WWOX: variants seen among roughly 807,000 people sequenced by gnomAD.
WWOX encodes WW domain-containing oxidoreductase.
A neutral mutation model predicts 46.2 loss-of-function variants in WWOX; 69 were observed. That is an observed-to-expected ratio of 1.49 (90% confidence interval 1.23 to 1.82). The LOEUF (loss-of-function observed/expected upper bound fraction) is 1.82. Ranked by LOEUF, WWOX falls within the 40% of genes most tolerant of loss-of-function variation. WWOX has a pLI of 0.00. For synonymous variants in WWOX, 359 were observed against 202.6 expected (o/e 1.77, Z -6.56); for missense variants, 919 against 542.6 (o/e 1.69, Z -6.89).
At chr16:78,615,149 C>T (rs919642796) in intron 8 of WWOX, among the ~76,000 whole-genome samples, 1 of 152,180 alleles carries the variant, frequency 6.6e-6, no homozygotes, top group South Asian at 2.1e-4. Context: ...TTAAAATACT[C>T]ACATTCCCAT....
chr16:78,344,155 C>T (rs1394996612), intron 5 of WWOX, among the ~76,000 whole-genome samples: 1 of 65,700 alleles, frequency 1.5e-5, no homozygotes, highest in African/African-American at 5.0e-5. Context: ...CCAGACTGAG[C>T]ATCATCCTCG....
intron 8 of WWOX, among the ~76,000 whole-genome samples, chr16:78,928,815 G>C (rs1436620526): frequency 1.3e-5 from 2 of 152,104 alleles, no homozygotes; most frequent in Non-Finnish European, 2.9e-5. Context: ...AAGATAAAAA[G>C]ATATGAACTT....
intron 5 of WWOX, among the ~76,000 whole-genome samples, chr16:78,284,946 C>T (rs144026060): frequency 1.5e-3 from 234 of 152,308 alleles, no homozygotes; most frequent in African/African-American, 5.5e-3. Flanking sequence ...ATGTTGGAAG[C>T]GGTCTCCTCT....
intron 8 of WWOX, among the ~76,000 whole-genome samples, chr16:78,793,443 C>G (rs1422384130): frequency 6.6e-6 from 1 of 152,134 alleles, no homozygotes; most frequent in Non-Finnish European, 1.5e-5. Context: ...ACAAATTGAA[C>G]ATTGACTTTC....
intron 8 of WWOX, among the ~76,000 whole-genome samples, chr16:79,138,529 A>T (rs903163205): frequency 2.6e-5 from 4 of 152,202 alleles, no homozygotes; most frequent in African/African-American, 4.8e-5. Context: ...CAGGTTAGAG[A>T]ACATGGGCCC....
At position 78,634,837 on chromosome 16, in the gene WWOX, A is replaced by AGTGTGT. The variant is rs59374463; in HGVS notation, c.1056+202117_1056+202122dup. 1.1e-4 allele frequency among the ~76,000 whole-genome samples: 12 copies of AGTGTGT among 111,784 alleles called. No homozygotes were observed. In the East Asian group the frequency reaches 1.9e-3, roughly 18 times the overall value. 73.3% of individuals were successfully genotyped at this position (111,784 alleles called of 152,430 possible). A position where few individuals can be genotyped will look rare whatever the true frequency, so the allele number is the denominator to read the frequency against. ...GAGAGAGAGAGAGAGAGAGAGAGAGAGTGTGTGTGTGTGTGTGTGTGTGTG... is the reference window on the plus strand; with the variant it reads ...GAGAGAGAGAGAGAGAGAGAGAGAGAGTGTGTGTGTGTGTGTGTGTGTGTGTGTGTG... On this transcript the variant is annotated intron_variant, in intron 8 of 8. Transcript: ENST00000566780.
At chr16:78,585,704 T>C (rs1399231244) in intron 8 of WWOX, among the ~76,000 whole-genome samples, 1 of 151,772 alleles carries the variant, frequency 6.6e-6, no homozygotes, top group Non-Finnish European at 1.5e-5. Context: ...TTTGTTTTTT[T>C]TGTTTTTTTG....
intron 8 of WWOX, among the ~76,000 whole-genome samples, chr16:78,724,750 C>G: frequency 6.6e-6 from 1 of 152,008 alleles, no homozygotes; most frequent in Non-Finnish European, 1.5e-5. Flanking sequence ...TCTCCTGAAC[C>G]CTGAAGGAGA....
intron 5 of WWOX, among the ~76,000 whole-genome samples, chr16:78,195,697 C>G (rs987636169): frequency 1.3e-5 from 2 of 151,648 alleles, no homozygotes; most frequent in Non-Finnish European, 2.9e-5. Context: ...TGCTGGGCAT[C>G]TGTAATCCCA....
intron 8 of WWOX, among the ~76,000 whole-genome samples, chr16:79,174,946 G>T (rs1401128497): frequency 1.3e-5 from 2 of 152,068 alleles, no homozygotes; most frequent in African/African-American, 4.8e-5. Context: ...TAACCCTGAG[G>T]ACTTGGTATT....
intron 8 of WWOX, among the ~76,000 whole-genome samples, chr16:78,506,084 C>T (rs935190544): frequency 1.3e-5 from 2 of 152,212 alleles, no homozygotes; most frequent in African/African-American, 4.8e-5. Flanking sequence ...AAGAGCTCCT[C>T]GCTTGGCCAG....
chr16:78,123,440 GTTTTTT>G (rs60936755), intron 4 of WWOX: 3 of 50,502 alleles, frequency 5.9e-5, no homozygotes, highest in African/African-American at 1.7e-4. Context: ...TTTTTGTTTT[GTTTTTT>G]TTTTTTTTGT....
intron 8 of WWOX, among the ~76,000 whole-genome samples, chr16:79,045,334 C>T (rs942483353): frequency 1.3e-5 from 2 of 152,124 alleles, no homozygotes; most frequent in African/African-American, 4.8e-5. Context: ...GCTGGAGTTG[C>T]ATTTTAATTG....
At chr16:78,707,476 A>T (rs2048349564) in intron 8 of WWOX, among the ~76,000 whole-genome samples, 1 of 152,188 alleles carries the variant, frequency 6.6e-6, no homozygotes, top group Non-Finnish European at 1.5e-5. Context: ...CTTCCTTCTC[A>T]GCTCATTCTG....
intron 8 of WWOX, among the ~76,000 whole-genome samples, chr16:78,516,188 G>T (rs1300355344): frequency 6.6e-6 from 1 of 152,106 alleles, no homozygotes; most frequent in African/African-American, 2.4e-5. Flanking sequence ...AGCTGACAGC[G>T]CCCCGGGAGT....
chr16:78,545,786 T>A (rs2044016101), intron 8 of WWOX, among the ~76,000 whole-genome samples: 1 of 152,140 alleles, frequency 6.6e-6, no homozygotes, highest in Non-Finnish European at 1.5e-5. Flanking sequence ...CTGAGGCCTC[T>A]CTCCTTGGCT....
intron 5 of WWOX, among the ~76,000 whole-genome samples, chr16:78,329,055 T>G (rs1349558311): frequency 6.6e-6 from 1 of 152,090 alleles, no homozygotes; most frequent in Non-Finnish European, 1.5e-5. Context: ...AGGACGAGGT[T>G]TCAGCATGTT....
intron 6 of WWOX, among the ~76,000 whole-genome samples, chr16:78,412,854 A>G (rs2082714426): frequency 6.6e-6 from 1 of 152,244 alleles, no homozygotes; most frequent in South Asian, 2.1e-4. Flanking sequence ...ACTATAGACC[A>G]TAAATGGGAA....
chr16:79,074,434 T>TTTTTTTTTTTC (rs2048614450), intron 8 of WWOX, among the ~76,000 whole-genome samples: 1 of 134,468 alleles, frequency 7.4e-6, no homozygotes, highest in African/African-American at 2.9e-5. Context: ...TTTTTTTTTT[T>TTTTTTTTTTTC]TTTTTTTTGG....
Sources: allele counts gnomAD v4.1 joint callset (sites outside exome capture counted in the v4.1 genomes callset), GRCh38; gene constraint gnomAD v4.1.1; transcripts MANE v1.5; gene names NCBI Gene and HGNC (gene_info 2026-07-23, HGNC 2026-07-21).